CLPB: variants seen among roughly 807,000 people sequenced by gnomAD.
CLPB encodes mitochondrial disaggregase.
A neutral mutation model predicts 78.4 loss-of-function variants in CLPB; 40 were observed. The ratio of observed to expected loss-of-function variants is 0.51; its 90% CI spans 0.40 to 0.66. CLPB has a LOEUF of 0.66. Ranked by LOEUF, CLPB falls within the 30% of genes least tolerant of loss-of-function variation. The pLI is 0.00. For missense variants in CLPB, 780 were observed against 886.9 expected, an observed-to-expected ratio of 0.88 and a Z score of 1.53; for synonymous variants, 333 against 348.0, an observed-to-expected ratio of 0.96 and a Z score of 0.48.
chr11:72,429,561 T>C (rs768987480), intron 2 of CLPB, among the ~76,000 whole-genome samples: 1 of 152,186 alleles, frequency 6.6e-6, no homozygotes, highest in African/African-American at 2.4e-5. Context: ...TCTATATAAA[T>C]GGCCAAGAGA....
At chr11:72,373,140 G>T in intron 4 of CLPB, 1 of 683,770 alleles carries the variant, frequency 1.5e-6, no homozygotes. Flanking sequence ...AGGGCCCTAT[G>T]CCAACCCAGC....
intron 2 of CLPB, chr11:72,410,583 T>C (rs996265661): frequency 6.6e-6 from 1 of 152,342 alleles, no homozygotes; most frequent in African/African-American, 2.4e-5. Flanking sequence ...ACTAGGATGA[T>C]ACAGGAAAAG....
At chr11:72,378,963 T>C (rs1404485021) in intron 4 of CLPB, among the ~76,000 whole-genome samples, 1 of 152,126 alleles carries the variant, frequency 6.6e-6, no homozygotes, top group Non-Finnish European at 1.5e-5. Flanking sequence ...TTGTGGAGGA[T>C]CTAGCCTTAG....
chr11:72,296,247 C>T (rs1465595707), intron 11 of CLPB, among the ~76,000 whole-genome samples: 2 of 152,134 alleles, frequency 1.3e-5, no homozygotes, highest in Non-Finnish European at 2.9e-5. Flanking sequence ...GCTATTATTA[C>T]TGTAGTAGGT....
intron 2 of CLPB, among the ~76,000 whole-genome samples, chr11:72,422,193 GA>G (rs1590930587): frequency 6.7e-6 from 1 of 149,956 alleles, no homozygotes; most frequent in Non-Finnish European, 1.5e-5. Context: ...GTGAACCCGA[GA>G]GGCGGAGCTT....
chr11:72,426,454 T>C (rs1856376490), intron 2 of CLPB, among the ~76,000 whole-genome samples: 1 of 151,300 alleles, frequency 6.6e-6, no homozygotes, highest in Admixed American at 6.6e-5. Flanking sequence ...TGCTGACAGG[T>C]AGGAGGCCAG....
chr11:72,337,982 A>G (rs931720233), intron 5 of CLPB, among the ~76,000 whole-genome samples: 9 of 152,188 alleles, frequency 5.9e-5, no homozygotes, highest in Non-Finnish European at 1.2e-4. Context: ...CCCCCAGTGG[A>G]CATGCTCTGA....
At position 72,434,394 on chromosome 11, in the gene CLPB, C is replaced by T. The variant is rs1303872865; in HGVS notation, c.81G>A (p.Arg27=). ...TCCGGCCGGAAGCACCTCCATGGCC[C>T]CGGAGCGTTGGGGACCTGAGCAGCC... ...LLRLLRSPTL[R]GHGGASGRNV... is the part of the protein sequence containing the mutation. The change falls in exon 1 of 16, where the codon CGG becomes CGA. Residue 27 remains arginine, a synonymous_variant. Transcript: ENST00000538039. The T allele has an allele frequency of 5.0e-6, 8 of 1,609,252 alleles. No homozygotes were observed. The highest frequency in any genetic ancestry group is 6.8e-6 in the Non-Finnish European group (8 of 1,177,006).
At chr11:72,302,576 G>A (rs561975607) in intron 9 of CLPB, 1 of 518,894 alleles carries the variant, frequency 1.9e-6, no homozygotes, top group African/African-American at 1.9e-5. Context: ...TCATGTACCT[G>A]ACCTTCTAAA....
intron 5 of CLPB, among the ~76,000 whole-genome samples, chr11:72,335,464 C>T (rs1252952867): frequency 6.6e-6 from 1 of 152,222 alleles, no homozygotes; most frequent in Non-Finnish European, 1.5e-5. Context: ...GGGGTGTCCC[C>T]CATTTAACTG....
chr11:72,426,974 A>C (rs779763169), intron 2 of CLPB, among the ~76,000 whole-genome samples: 1 of 152,108 alleles, frequency 6.6e-6, no homozygotes, highest in Non-Finnish European at 1.5e-5. Flanking sequence ...GTAGGATCAG[A>C]GTGGGGGGAA....
At chr11:72,414,868 T>A (rs1855975529) in intron 2 of CLPB, among the ~76,000 whole-genome samples, 2 of 152,186 alleles carry the variant, frequency 1.3e-5, no homozygotes, top group Non-Finnish European at 2.9e-5. Context: ...ATTTATGATC[T>A]CATTTGATCC....
At chr11:72,415,170 C>G (rs914954901) in intron 2 of CLPB, among the ~76,000 whole-genome samples, 6 of 152,034 alleles carry the variant, frequency 3.9e-5, no homozygotes, top group Non-Finnish European at 8.8e-5. Flanking sequence ...AAGCCAAGAT[C>G]GCACCACTGC....
chr11:72,327,142 G>C (rs1235145992), intron 6 of CLPB, among the ~76,000 whole-genome samples: 1 of 152,188 alleles, frequency 6.6e-6, no homozygotes. Flanking sequence ...AGCCTCTAAG[G>C]CAGCCCCTCC....
At chr11:72,354,569 TCTTTC>T (rs986378341) in intron 5 of CLPB, 11 of 371,608 alleles carry the variant, frequency 3.0e-5, no homozygotes, top group Admixed American at 4.6e-5. Context: ...TGATCACTCC[TCTTTC>T]TAGTCCTACT....
rs917369165 is a variant in CLPB, at chr11:72,286,058, A to C, written c.*7309T>G. Reference sequence around the variant, plus strand: ...GTTATATTCCCACCTCAGCCTCCCAAGTAGCTGAGACCACAGGTGGATGCC... The same window carrying C: ...GTTATATTCCCACCTCAGCCTCCCACGTAGCTGAGACCACAGGTGGATGCC... On this transcript the variant is annotated 3_prime_UTR_variant, in exon 16 of 16. Coordinates refer to ENST00000538039, the MANE Select transcript of CLPB (RefSeq NM_001258392.3). The C allele has an allele frequency of 6.6e-6, 1 of 150,906 alleles. No individual in the cohort carries two copies. The highest frequency in any genetic ancestry group is 6.6e-5 in the Admixed American group (1 of 15,124). 9.3% of individuals were successfully genotyped at this position (150,906 alleles called of 1,614,324 possible).
intron 2 of CLPB, chr11:72,410,704 A>G (rs968980981): frequency 3.3e-5 from 5 of 152,226 alleles, no homozygotes; most frequent in African/African-American, 1.2e-4. Context: ...AAGGTTCCCT[A>G]GCCCAAGAGC....
chr11:72,370,941 C>G (rs1951030046), intron 4 of CLPB, among the ~76,000 whole-genome samples: 1 of 152,196 alleles, frequency 6.6e-6, no homozygotes, highest in African/African-American at 2.4e-5. Context: ...TGGTCCTATT[C>G]TACTAATGTT....
chr11:72,345,176 C>G (rs1950490031), intron 5 of CLPB, among the ~76,000 whole-genome samples: 1 of 152,144 alleles, frequency 6.6e-6, no homozygotes, highest in African/African-American at 2.4e-5. Context: ...AATACCACTT[C>G]TAAGACTTTA....
Sources: gnomAD v4.1 joint callset for allele counts (sites outside exome capture counted in the v4.1 genomes callset) on GRCh38, gnomAD v4.1.1 for gene constraint, MANE v1.5 for transcripts, NCBI Gene and HGNC (gene_info 2026-07-23, HGNC 2026-07-21) for gene names.